Variants in NEK6 observed in about 807,000 individuals in gnomAD.
The protein encoded by NEK6 is NIMA related kinase 6.
A neutral mutation model predicts 43.5 loss-of-function variants in NEK6; 27 were observed. The observed-to-expected ratio is 0.62, with a 90% CI of 0.46 to 0.86. The LOEUF (loss-of-function observed/expected upper bound fraction) is 0.86. Ranked by LOEUF, NEK6 falls within the 40% of genes least tolerant of loss-of-function variation. NEK6 has a pLI of 0.00. For missense variants in NEK6, 318 were observed against 414.4 expected (o/e 0.77, Z 2.02); for synonymous variants, 167 against 164.1 (o/e 1.02, Z -0.14).
chr9:124,311,109 C>T (rs2416928), intron 2 of NEK6, among the ~76,000 whole-genome samples: 1 of 152,138 alleles, frequency 6.6e-6, no homozygotes, highest in African/African-American at 2.4e-5. Context: ...GCAGCTGGTC[C>T]GGCCAGCAGT....
chr9:124,269,535 G>A (rs538931675), intron 1 of NEK6, among the ~76,000 whole-genome samples: 141 of 152,048 alleles, frequency 9.3e-4, no homozygotes, highest in African/African-American at 2.9e-3. Context: ...CACCACGCCC[G>A]GCTAATTTTT....
chr9:124,340,876 G>T (rs868241061), intron 8 of NEK6, among the ~76,000 whole-genome samples: 1 of 152,178 alleles, frequency 6.6e-6, no homozygotes, highest in South Asian at 2.1e-4. Flanking sequence ...TGAACTTGAG[G>T]GCTACGCTGC....
At chr9:124,291,182 T>G (rs1447790060) in intron 1 of NEK6, among the ~76,000 whole-genome samples, 3 of 152,214 alleles carry the variant, frequency 2.0e-5, no homozygotes, top group Non-Finnish European at 4.4e-5. Context: ...TGTCCCTGTT[T>G]TACCCGTGAG....
At chr9:124,340,807 T>C (rs1431845036) in intron 8 of NEK6, among the ~76,000 whole-genome samples, 1 of 152,238 alleles carries the variant, frequency 6.6e-6, no homozygotes, top group Non-Finnish European at 1.5e-5. Context: ...CCACAGAGCC[T>C]GATTGCTCTG....
At chr9:124,337,338 C>T (rs1292806611) in intron 7 of NEK6, among the ~76,000 whole-genome samples, 1 of 152,220 alleles carries the variant, frequency 6.6e-6, no homozygotes, top group Non-Finnish European at 1.5e-5. Context: ...CCCTGAAGCC[C>T]TCTGGCTTCC....
intron 1 of NEK6, among the ~76,000 whole-genome samples, chr9:124,273,670 G>A (rs1364640462): frequency 1.3e-5 from 2 of 152,216 alleles, no homozygotes; most frequent in African/African-American, 2.4e-5. Context: ...CTGCATTCAC[G>A]AAATGGTGAG....
rs997147325 is a variant in NEK6 at position 124,343,224 on chromosome 9, G to A, written c.717+3559G>A. On this transcript the variant is annotated intron_variant, in intron 8 of 9. Transcript: ENST00000320246. This position sits in a 1 kb window ranked among gnomAD's most constrained non-coding sequence, Gnocchi z 5.1. ...TCGCAGCTGGGGGGGCTGGACCACAGCCGGGGGGCGGTGAGGGGACGGATC... is the reference window on the plus strand; with the variant it reads ...TCGCAGCTGGGGGGGCTGGACCACAACCGGGGGGCGGTGAGGGGACGGATC... Among the ~76,000 whole-genome samples, 1 of 150,554 alleles carries A rather than the reference G, an allele frequency of 6.6e-6. No individual in the cohort carries two copies. Among genetic ancestry groups the A allele is most frequent in the African/African-American group, 2.4e-5 (1 of 40,820 alleles).
rs1268713552 is a variant in NEK6 at position 124,352,004 on chromosome 9, G to A, written c.*1057G>A. ...TTAATGTACACCTGTATCATGTGTA[G>A]GAAACCAGAAATGTGTTCCTTATTT... is the stretch of plus-strand genomic sequence containing the variant. On this transcript the variant is annotated 3_prime_UTR_variant, in exon 10 of 10. Transcript: ENST00000320246. The A allele has an allele frequency of 2.0e-5, 3 of 152,664 alleles. No homozygotes were observed. Among genetic ancestry groups the A allele is most frequent in the Non-Finnish European group, 4.4e-5 (3 of 68,052 alleles). 9.5% of individuals were successfully genotyped at this position (152,664 alleles called of 1,614,324 possible). A position where few individuals can be genotyped will look rare whatever the true frequency, so the allele number is the denominator to read the frequency against.
chr9:124,273,750 C>T (rs746457887), intron 1 of NEK6, among the ~76,000 whole-genome samples: 2 of 152,186 alleles, frequency 1.3e-5, no homozygotes, highest in Non-Finnish European at 2.9e-5. Context: ...AGTGGCGGCT[C>T]GCAGCCTCAC....
At chr9:124,272,742 G>A (rs566647320) in intron 1 of NEK6, among the ~76,000 whole-genome samples, 39 of 152,292 alleles carry the variant, frequency 2.6e-4, no homozygotes, top group Admixed American at 1.4e-3. Context: ...TGATCGCATC[G>A]ACCTCTCTTG....
At position 124,289,177 on chromosome 9, in the gene NEK6, C is replaced by CG. The variant is rs1168134385; in HGVS notation, c.-29-12759_-29-12758insG. Among the ~76,000 whole-genome samples, 51 of 39,928 alleles carry CG rather than the reference C, an allele frequency of 1.3e-3. 5 individuals carry two copies. The South Asian group carries it at 0.015, about 12-fold the overall frequency. 26.2% of individuals were successfully genotyped at this position (39,928 alleles called of 152,430 possible). On this transcript the variant is annotated intron_variant, in intron 1 of 9. Transcript: ENST00000320246. ...AGACTTTGATTGGACACCCCCCCCG[C>CG]CCCCCCCCGCCACACACACACACAC...
intron 1 of NEK6, among the ~76,000 whole-genome samples, chr9:124,297,763 G>A (rs1013150034): frequency 3.3e-5 from 5 of 152,346 alleles, no homozygotes; most frequent in African/African-American, 7.2e-5. Flanking sequence ...GCGGGATCCC[G>A]GGGACGGGCA....
intron 1 of NEK6, among the ~76,000 whole-genome samples, chr9:124,277,133 G>A (rs951189607): frequency 8.5e-5 from 13 of 152,168 alleles, no homozygotes; most frequent in East Asian, 1.9e-4. Flanking sequence ...ACCTGAGGCC[G>A]CACTTCCACC....
At chr9:124,292,661 A>G (rs771603398) in intron 1 of NEK6, 72 of 1,338,702 alleles carry the variant, frequency 5.4e-5, no homozygotes, top group Non-Finnish European at 7.1e-5. Flanking sequence ...CCCTTCCCTT[A>G]AGCCCCAGCC....
At position 124,339,516 on chromosome 9, in the gene NEK6, C is replaced by T. The variant is rs763979786; in HGVS notation, c.623-55C>T. 46 of 1,294,344 alleles carry T rather than the reference C, an allele frequency of 3.6e-5. No homozygotes were observed. In the Middle Eastern group the frequency reaches 5.5e-4, roughly 15 times the overall value. 80.2% of individuals were successfully genotyped at this position (1,294,344 alleles called of 1,614,324 possible). On this transcript the variant is annotated intron_variant, in intron 7 of 9. Transcript: ENST00000320246. ...CCCTCCCTCCAACCTCACCTCTGTG[C>T]CCTGCCCCTGCCCTACATGGAGCAT...
chr9:124,332,884 C>A (rs1445612099), intron 7 of NEK6, among the ~76,000 whole-genome samples: 2 of 152,142 alleles, frequency 1.3e-5, no homozygotes, highest in African/African-American at 4.8e-5. Context: ...GCTCTTCTTT[C>A]ATACACACAG....
intron 7 of NEK6, among the ~76,000 whole-genome samples, chr9:124,334,075 C>G (rs1432316505): frequency 2.0e-5 from 3 of 152,236 alleles, no homozygotes; most frequent in Non-Finnish European, 4.4e-5. Flanking sequence ...CCACGCCCGG[C>G]CCAAGTCCAT....
At chr9:124,346,449 A>G (rs1251893594) in intron 8 of NEK6, among the ~76,000 whole-genome samples, 1 of 152,178 alleles carries the variant, frequency 6.6e-6, no homozygotes, top group Non-Finnish European at 1.5e-5. Context: ...CAGGTATCCC[A>G]GGGCCCCTCG....
At chr9:124,312,907 A>G (rs546070017) in intron 3 of NEK6, among the ~76,000 whole-genome samples, 1 of 152,346 alleles carries the variant, frequency 6.6e-6, no homozygotes, top group South Asian at 2.1e-4. Context: ...GAGCCTCTCA[A>G]CAGTCCCGTG....
Sources: gnomAD v4.1 joint callset for allele counts (sites outside exome capture counted in the v4.1 genomes callset) on GRCh38, gnomAD v4.1.1 for gene constraint, Gnocchi (gnomAD v3.1) non-coding constraint, MANE v1.5 for transcripts, NCBI Gene and HGNC (gene_info 2026-07-23, HGNC 2026-07-21) for gene names.